Variants in FYB1 observed in about 807,000 individuals in gnomAD.
FYB1 encodes the protein FYN binding protein 1.
FYB1 carries 41 observed loss-of-function variants against 94.1 expected under a neutral mutation model. That is an observed-to-expected ratio of 0.44 (90% confidence interval 0.34 to 0.57). FYB1 has a LOEUF of 0.57. Ranked by LOEUF, FYB1 falls within the 20% of genes least tolerant of loss-of-function variation. FYB1 has a pLI of 0.02. For synonymous variants in FYB1, 367 were observed against 353.2 expected (o/e 1.04, Z -0.44); for missense variants, 1,050 against 976.8 (o/e 1.07, Z -1.00).
intron 1 of FYB1, among the ~76,000 whole-genome samples, chr5:39,212,322 T>C (rs1749470673): frequency 1.3e-5 from 2 of 150,984 alleles, no homozygotes; most frequent in Non-Finnish European, 3.0e-5. Context: ...AAATAAAAAA[T>C]AAAAAATAAA....
At chr5:39,162,546 G>T (rs890559400) in intron 2 of FYB1, among the ~76,000 whole-genome samples, 2 of 152,064 alleles carry the variant, frequency 1.3e-5, no homozygotes, top group African/African-American at 2.4e-5. Flanking sequence ...TTAGCCAGGC[G>T]TGGTGGCGCT....
chr5:39,139,319 G>A (rs969673479), intron 4 of FYB1, 67 bp from the exon 5 acceptor site: 10 of 1,226,700 alleles, frequency 8.2e-6, no homozygotes, highest in African/African-American at 3.1e-5. Flanking sequence ...TAAGATTATT[G>A]GATATGATAT....
chr5:39,185,641 T>TATATATATATAC (rs1746711236), intron 2 of FYB1, among the ~76,000 whole-genome samples: 2 of 145,040 alleles, frequency 1.4e-5, no homozygotes, highest in African/African-American at 2.5e-5. Flanking sequence ...TATATATATA[T>TATATATATATAC]ACACACACAC....
chr5:39,127,854 C>A, intron 10 of FYB1, 47 bp from the exon 11 acceptor site: 1 of 1,532,098 alleles, frequency 6.5e-7, no homozygotes, highest in South Asian at 1.3e-5. Context: ...TATAATTTGG[C>A]CATGTAATGC....
intron 3 of FYB1, among the ~76,000 whole-genome samples, chr5:39,148,155 TTATATATATATATATATATATATATA>T (rs10528848): frequency 0.017 from 639 of 37,668 alleles, 22 homozygotes; most frequent in South Asian, 0.046. Context: ...TATGTATTTT[TTATATATATATATATATATATATATA>T]TATATATATA....
In FYB1 at chr5:39,130,049, C is replaced by T. The variant is rs190950425; in HGVS notation, c.1840+541G>A. ...ATGGATAAAGAAAATTTTGTCTATA[C>T]GCAATGAAATACTATTTGGTCATAA... On this transcript the variant is annotated intron_variant, in intron 10 of 18. Transcript: ENST00000512982. Among the ~76,000 whole-genome samples the T allele has an allele frequency of 5.4e-4, 82 of 150,972 alleles. No homozygotes were observed. In the East Asian group the frequency reaches 0.01, roughly 19 times the overall value.
chr5:39,151,947 A>G (rs755007798), intron 3 of FYB1, among the ~76,000 whole-genome samples: 17 of 152,188 alleles, frequency 1.1e-4, no homozygotes, highest in South Asian at 8.3e-4. Flanking sequence ...CCCAAACATC[A>G]AGGCCCATTT....
intron 1 of FYB1, among the ~76,000 whole-genome samples, chr5:39,265,263 T>C (rs111399881): frequency 1.3e-5 from 2 of 152,108 alleles, no homozygotes; most frequent in African/African-American, 4.8e-5. Flanking sequence ...AGGTGGATCA[T>C]GAGGTCAGGA....
chr5:39,114,194 TG>T (rs1274532649), intron 16 of FYB1, among the ~76,000 whole-genome samples: 38 of 152,276 alleles, frequency 2.5e-4, no homozygotes, highest in Admixed American at 9.8e-4. Context: ...CTACATCTTT[TG>T]TAGAAAATTT....
chr5:39,165,431 T>G (rs12658684), intron 2 of FYB1, among the ~76,000 whole-genome samples: 15,436 of 152,196 alleles, frequency 0.1, 1,216 homozygotes, highest in East Asian at 0.4. Flanking sequence ...AAAATTTGAC[T>G]GCCATATGCA....
At chr5:39,273,524 C>A (rs947164165) in intron 1 of FYB1, among the ~76,000 whole-genome samples, 4 of 152,166 alleles carry the variant, frequency 2.6e-5, no homozygotes, top group Non-Finnish European at 5.9e-5. Flanking sequence ...ACAAAGATGA[C>A]AGAGAGCATA....
At chr5:39,246,355 G>A (rs1751477566) in intron 1 of FYB1, among the ~76,000 whole-genome samples, 1 of 152,128 alleles carries the variant, frequency 6.6e-6, no homozygotes, top group Non-Finnish European at 1.5e-5. Flanking sequence ...CAAACATGAT[G>A]GGCATATATT....
At chr5:39,125,947 A>G in intron 12 of FYB1, 51 bp downstream of exon 12, 1 of 1,557,880 alleles carries the variant, frequency 6.4e-7, no homozygotes, top group Non-Finnish European at 8.8e-7. Context: ...ATTTGATTCA[A>G]TACATATTAG....
chr5:39,261,275 G>A (rs1316823363), intron 1 of FYB1, among the ~76,000 whole-genome samples: 2 of 143,864 alleles, frequency 1.4e-5, no homozygotes, highest in African/African-American at 5.2e-5. Flanking sequence ...TGCACGTTCT[G>A]CACATGTATC....
chr5:39,207,733 T>G (rs577955890), intron 1 of FYB1, among the ~76,000 whole-genome samples: 1 of 152,334 alleles, frequency 6.6e-6, no homozygotes, highest in East Asian at 1.9e-4. Context: ...TTTTAAATAT[T>G]TCTTGGATAT....
At chr5:39,270,756 G>C in intron 1 of FYB1, 1 of 475,784 alleles carries the variant, frequency 2.1e-6, no homozygotes, top group Non-Finnish European at 3.7e-6. Flanking sequence ...CAGAGCATTT[G>C]TATAGCTGGC....
At chr5:39,170,518 A>G (rs1310668855) in intron 2 of FYB1, among the ~76,000 whole-genome samples, 1 of 152,156 alleles carries the variant, frequency 6.6e-6, no homozygotes, top group African/African-American at 2.4e-5. Context: ...TTAATGCTAC[A>G]GCTGAAACTC....
chr5:39,243,602 T>G (rs534419491), intron 1 of FYB1, among the ~76,000 whole-genome samples: 491 of 152,280 alleles, frequency 3.2e-3, no homozygotes, highest in Admixed American at 6.5e-3. Context: ...TCTTTTTGCT[T>G]AGGATTGTCT....
chr5:39,242,579 G>T (rs1751263763), intron 1 of FYB1, among the ~76,000 whole-genome samples: 1 of 151,984 alleles, frequency 6.6e-6, no homozygotes, highest in Admixed American at 6.6e-5. Context: ...TTGCTATTGT[G>T]AATAGTGCCA....
Sources: gnomAD v4.1 joint callset for allele counts (sites outside exome capture counted in the v4.1 genomes callset) on GRCh38, gnomAD v4.1.1 for gene constraint, MANE v1.5 for transcripts, NCBI Gene and HGNC (gene_info 2026-07-23, HGNC 2026-07-21) for gene names.